Variants in TLR1 observed in about 807,000 individuals in gnomAD.
TLR1 encodes toll like receptor 1.
A neutral mutation model predicts 20.2 loss-of-function variants in TLR1; 19 were observed. The observed-to-expected ratio is 0.94, with a 90% CI of 0.66 to 1.38. The LOEUF (loss-of-function observed/expected upper bound fraction) is 1.38, where lower values mean the gene tolerates loss of function less well. Among genes scored for constraint, TLR1 ranks in the 40% most tolerant of loss-of-function variants. The pLI, the probability that TLR1 is intolerant of heterozygous loss-of-function variation, is 0.00. For missense variants in TLR1, 921 were observed against 910.0 expected (o/e 1.01, Z -0.16); for synonymous variants, 320 against 334.5 (o/e 0.96, Z 0.47).
rs771300544 is a variant in TLR1 at position 38,798,600 on chromosome 4, G to A, written c.232C>T (p.His78Tyr). 1.7e-5 allele frequency: 27 copies of A among 1,613,726 alleles called. No individual in the cohort carries two copies. In the Admixed American group the frequency reaches 2.2e-4, roughly 13 times the overall value. Reference sequence around the variant, plus strand: ...ATATCAAGATACTGGATTCTATTATGAGAAATTATCAAAATCCTCAGTTTT... The same window carrying A: ...ATATCAAGATACTGGATTCTATTATAAGAAATTATCAAAATCCTCAGTTTT... ...LSKLRILIIS[H>Y]NRIQYLDISV... Residue 78 changes from histidine to tyrosine, a missense_variant, in exon 4 of 4, where the codon CAT becomes TAT. Transcript: ENST00000308979.
chr4:38,797,001 T>C lies in TLR1; in HGVS notation c.1831A>G (p.Arg611Gly), dbSNP rs755401705. 1.9e-6 allele frequency: 3 copies of C among 1,613,994 alleles called. No homozygotes were observed. The highest frequency in any genetic ancestry group is 8.5e-7 in the Non-Finnish European group (1 of 1,179,964). The stretch of plus-strand genomic sequence containing the variant: ...GTCTGGGTCCACTGGCACACCATCC[T>C]GAGATACCAGGGCAGATCCAAGTAG... ...CSYLDLPWYLRMVCQWTQTRR... is the reference protein window; with the variant it reads ...CSYLDLPWYLGMVCQWTQTRR... The change falls in exon 4 of 4, where the codon AGG becomes GGG. Residue 611 changes from arginine (R) to glycine (G), a missense_variant. Coordinates refer to ENST00000308979, the MANE Select transcript of TLR1 (RefSeq NM_003263.4).
Position 38,798,260 on chromosome 4 carries a change from C to A in TLR1, c.572G>T (p.Ser191Ile). The A allele has an allele frequency of 1.2e-6, 2 of 1,612,734 alleles. No individual in the cohort carries two copies. The highest frequency in any genetic ancestry group is 8.5e-7 in the Non-Finnish European group (1 of 1,179,054). ...PEGLQDFNTE[S>I]LHIVFPTNKE... ...GTTTGTGGGGAACACAATGTGCAGA[C>A]TCTCAGTGTTAAAGTCTTGAAGGCC... Residue 191 changes from serine (S) to isoleucine (I), a missense_variant, in exon 4 of 4, where the codon AGT becomes ATT. Transcript: ENST00000308979.
In TLR1 at chr4:38,798,039, G is replaced by A; in HGVS notation, c.793C>T (p.Leu265Phe). Residue 265 changes from leucine (L) to phenylalanine (F), a missense_variant, in exon 4 of 4, where the codon CTC (leucine) becomes TTC (phenylalanine). Leu to Phe is a conservative substitution (Grantham distance 22). Coordinates refer to ENST00000308979, the MANE Select transcript of TLR1 (RefSeq NM_003263.4). ...ETTWNSFIRI[L>F]QLVWHTTVWY... is the part of the protein sequence containing the mutation. ...ACAGTTGTATGCCAAACCAGCTGGA[G>A]GATCCTAATGAAAGAATTCCAAGTT... The A allele has an allele frequency of 6.2e-7, 1 of 1,614,018 alleles. No individual in the cohort carries two copies. The highest frequency in any genetic ancestry group is 8.5e-7 in the Non-Finnish European group (1 of 1,179,932).
At chr4:38,799,127 G>A (rs577461835) in intron 3 of TLR1, among the ~76,000 whole-genome samples, 1 of 152,252 alleles carries the variant, frequency 6.6e-6, no homozygotes, top group African/African-American at 2.4e-5. Flanking sequence ...TTGAATGGTG[G>A]CTCACCAAAA....
chr4:38,798,177 A>G lies in TLR1; in HGVS notation c.655T>C (p.Ser219Pro), dbSNP rs756332448. 6.2e-7 allele frequency: 1 copy of G among 1,614,114 alleles called. No homozygotes were observed. Residue 219 changes from serine (S) to proline (P), a missense_variant, in exon 4 of 4, where the codon TCT becomes CCT. Ser to Pro is a moderately conservative substitution (Grantham distance 74). Coordinates refer to ENST00000308979, the MANE Select transcript of TLR1 (RefSeq NM_003263.4). Reference sequence around the variant, plus strand: ...TCTTCTAGCACACATTTGATATTAGATAGTTCCAGATTTGCTACAGTCTTG... The same window carrying G: ...TCTTCTAGCACACATTTGATATTAGGTAGTTCCAGATTTGCTACAGTCTTG... ...SVKTVANLEL[S>P]NIKCVLEDNK...
At chr4:38,791,987 A>T (rs755274159), downstream of TLR1, among the ~76,000 whole-genome samples, 3 of 152,206 alleles carry the variant, frequency 2.0e-5, no homozygotes, top group Non-Finnish European at 2.9e-5. Flanking sequence ...CCACCTCTAG[A>T]GTGAATAGCC....
rs778640474 is a variant in TLR1, at chr4:38,798,622, T to C, written c.210A>G (p.Lys70=). 3 of 1,613,846 alleles carry C rather than the reference T, an allele frequency of 1.9e-6. No individual in the cohort carries two copies. Among genetic ancestry groups the C allele is most frequent in the Non-Finnish European group, 2.5e-6 (3 of 1,179,786 alleles). ...LWTSDILSLS[K]LRILIISHNR... ...TATGAGAAATTATCAAAATCCTCAG[T>C]TTTGACAGTGATAAGATGTCAGAAG... Residue 70 remains lysine (K), a synonymous_variant, in exon 4 of 4, where the codon AAA becomes AAG. Coordinates refer to ENST00000308979, the MANE Select transcript of TLR1 (RefSeq NM_003263.4).
chr4:38,803,291 C>T (rs1027292262), intron 2 of TLR1, among the ~76,000 whole-genome samples: 8 of 152,130 alleles, frequency 5.3e-5, no homozygotes, highest in Non-Finnish European at 7.4e-5. Flanking sequence ...TGGCCCTGGG[C>T]GTGACACTCT....
At chr4:38,791,921 G>A (rs1725740765), downstream of TLR1, among the ~76,000 whole-genome samples, 1 of 152,166 alleles carries the variant, frequency 6.6e-6, no homozygotes. Flanking sequence ...AGAAGAAGGT[G>A]GAAGAAGCAA....
rs1366417032 is a variant in TLR1, at chr4:38,797,722, G to T, written c.1110C>A (p.His370Gln). ...LTDTVFENCG[H>Q]LTELETLILQ... ...AAATAAGTGTCTCCAACTCAGTAAG[G>T]TGCCCACAATTTTCAAAAACCGTGT... The change falls in exon 4 of 4, where the codon CAC becomes CAA. Residue 370 changes from histidine (H) to glutamine (Q), a missense_variant. Transcript: ENST00000308979. 1.9e-6 allele frequency: 3 copies of T among 1,613,764 alleles called. No individual in the cohort carries two copies. The highest frequency in any genetic ancestry group is 1.1e-5 in the South Asian group (1 of 91,008).
At chr4:38,788,919 T>A (rs116252902), downstream of TLR1, among the ~76,000 whole-genome samples, 1,172 of 152,246 alleles carry the variant, frequency 7.7e-3, 15 homozygotes, top group African/African-American at 0.022. Context: ...GGCAAGAGGA[T>A]CTCTGGAGCT....
chr4:38,798,537 C>T lies in TLR1; in HGVS notation c.295G>A (p.Asp99Asn), dbSNP rs748762121. ...FKFNQELEYL[D>N]LSHNKLVKIS... is the part of the protein sequence containing the mutation. ...TTCACCAACTTGTTGTGGGACAAAT[C>T]CAAGTATTCCAATTCCTGGTTGAAT... is the stretch of plus-strand genomic sequence containing the variant. Residue 99 changes from aspartate to asparagine, a missense_variant, in exon 4 of 4, where the codon GAT becomes AAT. Transcript: ENST00000308979. 1 of 1,614,098 alleles carries T rather than the reference C, an allele frequency of 6.2e-7. No individual in the cohort carries two copies. Among genetic ancestry groups the T allele is most frequent in the East Asian group, 2.2e-5 (1 of 44,880 alleles).
At chr4:38,787,629 C>T (rs778733638), downstream of TLR1, among the ~76,000 whole-genome samples, 6 of 151,948 alleles carry the variant, frequency 3.9e-5, no homozygotes, top group Admixed American at 6.5e-5. Context: ...AATATTATTT[C>T]GCAAGTACTC....
downstream of TLR1, chr4:38,790,655 G>T (rs561947771): frequency 9.9e-5 from 15 of 151,884 alleles, no homozygotes; most frequent in South Asian, 6.2e-4. Context: ...TATTTTTTTT[G>T]ATAATGTCTT....
rs1157566167 is a variant in TLR1, at chr4:38,796,831, G to A, written c.2001C>T (p.Cys667=). 1.2e-6 allele frequency: 2 copies of A among 1,614,058 alleles called. No homozygotes were observed. Among genetic ancestry groups the A allele is most frequent in the African/African-American group, 2.7e-5 (2 of 74,914 alleles). ...CAGGAACAAAGTTTCTCTCATGAAGGCAAATCTGCATACCTTCTTTCTCTA... is the reference window on the plus strand; with the variant it reads ...CAGGAACAAAGTTTCTCTCATGAAGACAAATCTGCATACCTTCTTTCTCTA... ...PNLEKEGMQI[C]LHERNFVPGK... Residue 667 remains cysteine, a synonymous_variant, in exon 4 of 4, where the codon TGC becomes TGT. Transcript: ENST00000308979.
intron 2 of TLR1, among the ~76,000 whole-genome samples, chr4:38,802,594 G>C (rs1034303383): frequency 6.6e-6 from 1 of 152,210 alleles, no homozygotes; most frequent in African/African-American, 2.4e-5. Flanking sequence ...CAACAAATAA[G>C]CCCCAAGTAA....
At chr4:38,801,507 C>T (rs5743591) in intron 2 of TLR1, among the ~76,000 whole-genome samples, 1 of 152,142 alleles carries the variant, frequency 6.6e-6, no homozygotes, top group Non-Finnish European at 1.5e-5. Flanking sequence ...CAAGCTAGGT[C>T]GAAGCAAAAG....
At chr4:38,793,411 C>A (rs1320721311), downstream of TLR1, among the ~76,000 whole-genome samples, 1 of 152,144 alleles carries the variant, frequency 6.6e-6, no homozygotes, top group Non-Finnish European at 1.5e-5. Context: ...AGAATTGAAA[C>A]CCAGACTTGA....
At chr4:38,789,392 C>T (rs1228283892), downstream of TLR1, among the ~76,000 whole-genome samples, 4 of 152,194 alleles carry the variant, frequency 2.6e-5, no homozygotes, top group African/African-American at 9.7e-5. Context: ...TAAACATTTA[C>T]CAGCACACTA....
Sources: gnomAD v4.1 joint callset for allele counts (sites outside exome capture counted in the v4.1 genomes callset) on GRCh38, gnomAD v4.1.1 for gene constraint, MANE v1.5 for transcripts, NCBI Gene and HGNC (gene_info 2026-07-23, HGNC 2026-07-21) for gene names.